The following OTOG variants were observed in gnomAD, a reference collection of about 807,000 sequenced individuals.
OTOG encodes otogelin.
A neutral mutation model predicts 313.8 loss-of-function variants in OTOG; 296 were observed. That is an observed-to-expected ratio of 0.94 (90% CI 0.86 to 1.04). The LOEUF is 1.04. Among genes scored for constraint, OTOG ranks in the 50% least tolerant of loss-of-function variants. The pLI is 0.00. For synonymous variants in OTOG, 1,533 were observed against 1,554.9 expected (o/e 0.99, Z 0.33); for missense variants, 3,948 against 3,840.1 (o/e 1.03, Z -0.74).
chr11:17,637,808 G>T (rs967189511), intron 47 of OTOG, among the ~76,000 whole-genome samples: 3 of 152,120 alleles, frequency 2.0e-5, no homozygotes, highest in African/African-American at 7.2e-5. Flanking sequence ...GATAATCCTT[G>T]CTTGTGCCAA....
At chr11:17,598,627 C>T (rs577580741) in intron 30 of OTOG, among the ~76,000 whole-genome samples, 20 of 152,244 alleles carry the variant, frequency 1.3e-4, no homozygotes, top group African/African-American at 4.8e-4. Flanking sequence ...ATTTCACTGA[C>T]GTTAAGTAAT....
chr11:17,613,195 T>TTTCTTTTCTTTC (rs1401646180), intron 38 of OTOG, among the ~76,000 whole-genome samples: 99 of 65,268 alleles, frequency 1.5e-3, no homozygotes, highest in East Asian at 5.9e-3. Context: ...TCTTTCTTTC[T>TTTCTTTTCTTTC]TTTCTTTCTT....
Position 17,632,202 on chromosome 11 carries a change from G to C in OTOG, c.7048G>C (p.Glu2350Gln). The change falls in exon 42 of 56, where the codon GAG (glutamate) becomes CAG (glutamine). Residue 2350 changes from glutamate (E) to glutamine (Q), a missense_variant. Glu to Gln is a conservative substitution (Grantham distance 29, BLOSUM62 2). Transcript: ENST00000399397. The stretch of plus-strand genomic sequence containing the variant: ...GTGCCACAAATTTCATGTGTGCATC[G>C]AGTGGCGGCGCTCTGACTACTGCCG... ...AMCHKFHVCI[E>Q]WRRSDYCPFL... is the part of the protein sequence containing the mutation. 6.4e-7 allele frequency: 1 copy of C among 1,550,902 alleles called. No individual in the cohort carries two copies. Among genetic ancestry groups the C allele is most frequent in the Non-Finnish European group, 8.7e-7 (1 of 1,146,942 alleles).
chr11:17,645,260 G>A (rs147468620), intron 54 of OTOG, among the ~76,000 whole-genome samples: 78 of 152,328 alleles, frequency 5.1e-4, no homozygotes, highest in African/African-American at 1.7e-3. Flanking sequence ...GGGCTGGGGT[G>A]GGGAGGCAGC....
chr11:17,551,164 T>C (rs550327077), intron 3 of OTOG, among the ~76,000 whole-genome samples: 1 of 152,256 alleles, frequency 6.6e-6, no homozygotes, highest in Admixed American at 6.5e-5. Flanking sequence ...CTGGGGACAT[T>C]GTACAAATGA....
chr11:17,552,317 A>G (rs1701672300), intron 4 of OTOG, among the ~76,000 whole-genome samples: 2 of 151,954 alleles, frequency 1.3e-5, no homozygotes, highest in Admixed American at 6.6e-5. Context: ...CTGCCCCCTC[A>G]CAGGCTGACT....
Position 17,611,049 on chromosome 11 carries a change from G to A in OTOG, c.5749G>A (p.Val1917Met). 6.4e-7 allele frequency: 1 copy of A among 1,550,538 alleles called. No homozygotes were observed. Among genetic ancestry groups the A allele is most frequent in the Non-Finnish European group, 8.7e-7 (1 of 1,146,920 alleles). ...TGKVAILSKQ[V>M]SLPTSMYGSA... Reference sequence around the variant, plus strand: ...GAAGGTGGCCATCCTATCCAAGCAAGTGTCTCTGCCCACTTCCATGTATGG... The same window carrying A: ...GAAGGTGGCCATCCTATCCAAGCAAATGTCTCTGCCCACTTCCATGTATGG... Residue 1917 changes from valine to methionine, a missense_variant, in exon 36 of 56, where the codon GTG becomes ATG. Transcript: ENST00000399397.
chr11:17,629,166 G>A lies in OTOG; in HGVS notation c.6562G>A (p.Val2188Met). The A allele has an allele frequency of 1.3e-6, 2 of 1,550,482 alleles. No individual in the cohort carries two copies. Among genetic ancestry groups the A allele is most frequent in the Non-Finnish European group, 1.7e-6 (2 of 1,146,952 alleles). Residue 2188 changes from valine to methionine, a missense_variant, in exon 40 of 56, where the codon GTG becomes ATG. Coordinates refer to ENST00000399397, the MANE Select transcript of OTOG (RefSeq NM_001292063.2). ...TVDLQPVWPPVSRYGFRIEDT... is the reference protein window; with the variant it reads ...TVDLQPVWPPMSRYGFRIEDT... ...GGACTTGCAGCCTGTGTGGCCACCG[G>A]TGAGCAGGTATGGATTCAGAATTGA...
At chr11:17,577,847 T>C (rs7117283) in intron 22 of OTOG, among the ~76,000 whole-genome samples, 51,495 of 151,760 alleles carry the variant, frequency 0.34, 9,078 homozygotes, top group Non-Finnish European at 0.4. Flanking sequence ...GCAGACCTTA[T>C]GGAAGGCTGA....
At chr11:17,548,074 G>C (rs1395579481) in intron 2 of OTOG, 78 bp from the exon 3 acceptor site, 4 of 1,436,866 alleles carry the variant, frequency 2.8e-6, no homozygotes, top group Non-Finnish European at 3.7e-6. Flanking sequence ...AGCACTTAGG[G>C]TGGGATAGGC....
chr11:17,610,081 T>A lies in OTOG; in HGVS notation c.4781T>A (p.Ile1594Asn), dbSNP rs757100158. 3.9e-5 allele frequency: 61 copies of A among 1,550,374 alleles called. No homozygotes were observed. The highest frequency in any genetic ancestry group is 5.2e-5 in the Non-Finnish European group (60 of 1,146,930). Residue 1594 changes from isoleucine to asparagine, a missense_variant, in exon 36 of 56, where the codon ATC becomes AAC. By Grantham distance (149) the Ile-to-Asn change is moderately radical. Coordinates refer to ENST00000399397, the MANE Select transcript of OTOG (RefSeq NM_001292063.2). ...GAMETTRVTV[I>N]FAGSPNITVS... ...ATGGAGACAACAAGGGTGACTGTGA[T>A]CTTTGCAGGAAGCCCTAACATCACA...
chr11:17,552,145 G>A lies in OTOG; in HGVS notation c.292+70G>A, dbSNP rs944974672. 5.1e-5 allele frequency: 75 copies of A among 1,457,698 alleles called. No homozygotes were observed. The African/African-American group carries it at 9.7e-4, about 19-fold the overall frequency. 90.3% of individuals were successfully genotyped at this position (1,457,698 alleles called of 1,614,324 possible). ...GCCCTGGCAGAGGCCTGAAAGGGCA[G>A]AGGGCAGGTGGGGCTTCCCTCAGGC... On this transcript the variant is annotated intron_variant, in intron 4 of 55. Coordinates refer to ENST00000399397, the MANE Select transcript of OTOG (RefSeq NM_001292063.2).
intron 53 of OTOG, among the ~76,000 whole-genome samples, chr11:17,642,919 C>A (rs963371826): frequency 6.6e-6 from 1 of 152,192 alleles, no homozygotes; most frequent in Non-Finnish European, 1.5e-5. Context: ...CACAAAATCA[C>A]ACACACATAC....
chr11:17,611,192 T>C lies in OTOG; in HGVS notation c.5892T>C (p.Tyr1964=), dbSNP rs1853533628. ...AGTALPVPTS[Y]ALSRVSARTA... The stretch of plus-strand genomic sequence containing the variant: ...CAGCTCTGCCAGTGCCCACATCCTA[T>C]GCCCTGAGCCGTGTCTCAGCCAGGA... The change falls in exon 36 of 56, where the codon TAT becomes TAC. Residue 1964 remains tyrosine (Y), a synonymous_variant. Transcript: ENST00000399397. 1 of 1,550,430 alleles carries C rather than the reference T, an allele frequency of 6.4e-7. No homozygotes were observed. The highest frequency in any genetic ancestry group is 1.4e-5 in the African/African-American group (1 of 73,040).
chr11:17,548,086 AG>A, intron 2 of OTOG, 65 bp from the exon 3 acceptor site: 1 of 1,491,228 alleles, frequency 6.7e-7, no homozygotes, highest in East Asian at 2.5e-5. Flanking sequence ...GGGATAGGCC[AG>A]GGGACTGCGG....
At position 17,622,075 on chromosome 11, in the gene OTOG, C is replaced by T. The variant is rs529986389; in HGVS notation, c.6529-7058C>T. 6.3e-4 allele frequency among the ~76,000 whole-genome samples: 96 copies of T among 152,276 alleles called. 2 individuals are homozygous for T. Among genetic ancestry groups the T allele is most frequent in the African/African-American group, 2.1e-3 (89 of 41,558 alleles). On this transcript the variant is annotated intron_variant, in intron 39 of 55. Coordinates refer to ENST00000399397, the MANE Select transcript of OTOG (RefSeq NM_001292063.2). Reference sequence around the variant, plus strand: ...TGCTCATGGATCATGAAGCCCAATCCTCTGTCTGTACAAATAGGAAGGCTC... The same window carrying T: ...TGCTCATGGATCATGAAGCCCAATCTTCTGTCTGTACAAATAGGAAGGCTC...
chr11:17,578,234 C>T, intron 22 of OTOG, 139 bp from the exon 23 acceptor site: 1 of 1,388,154 alleles, frequency 7.2e-7, no homozygotes, highest in Non-Finnish European at 9.3e-7. Flanking sequence ...TCTGGGAAAC[C>T]AAGCAATGCC....
chr11:17,645,782 C>T lies in OTOG; in HGVS notation c.8580C>T (p.Ala2860=), dbSNP rs1848063997. ...LVSCDGRCPS[A]SIYNYNINTY... is the part of the protein sequence containing the mutation. ...CCTGCGATGGGAGGTGCCCATCCGC[C>T]AGCATCTACAACTACAACATCAACA... Residue 2860 remains alanine (A), a synonymous_variant, in exon 56 of 56, where the codon GCC becomes GCT. Transcript: ENST00000399397. 16 of 1,551,072 alleles carry T rather than the reference C, an allele frequency of 1.0e-5. No individual in the cohort carries two copies. Among genetic ancestry groups the T allele is most frequent in the Non-Finnish European group, 1.4e-5 (16 of 1,147,108 alleles).
chr11:17,555,635 T>C (rs1852039868), intron 6 of OTOG, 144 bp from the exon 7 acceptor site: 6 of 638,994 alleles, frequency 9.4e-6, no homozygotes, highest in African/African-American at 5.4e-5. Flanking sequence ...CTGTGATGTA[T>C]GGGGACTGAG....
Sources: gnomAD v4.1 joint callset for allele counts (sites outside exome capture counted in the v4.1 genomes callset) on GRCh38, gnomAD v4.1.1 for gene constraint, MANE v1.5 for transcripts, NCBI Gene and HGNC (gene_info 2026-07-23, HGNC 2026-07-21) for gene names.